Variants in VAV3 observed in about 807,000 individuals in gnomAD.
VAV3 encodes the protein guanine nucleotide exchange factor VAV3.
VAV3 carries 94 observed loss-of-function variants against 131.2 expected under a neutral mutation model. That is an observed-to-expected ratio of 0.72 (90% CI 0.61 to 0.85). VAV3 has a LOEUF of 0.85. Ranked by LOEUF, VAV3 falls within the 40% of genes least tolerant of loss-of-function variation. The pLI is 0.00. For missense variants in VAV3, 939 were observed against 1,002.7 expected (o/e 0.94, Z 0.86); for synonymous variants, 349 against 342.0 (o/e 1.02, Z -0.22).
At chr1:107,895,845 T>A (rs1035408283) in intron 1 of VAV3, among the ~76,000 whole-genome samples, 2 of 151,420 alleles carry the variant, frequency 1.3e-5, no homozygotes, top group Non-Finnish European at 3.0e-5. Flanking sequence ...TAAACATTAA[T>A]CACATAGCAA....
At chr1:107,593,598 T>A (rs1340649383) in intron 25 of VAV3, among the ~76,000 whole-genome samples, 1 of 152,114 alleles carries the variant, frequency 6.6e-6, no homozygotes, top group African/African-American at 2.4e-5. Flanking sequence ...CCTAAAGCTA[T>A]GAACCAAAGG....
intron 2 of VAV3, among the ~76,000 whole-genome samples, chr1:107,814,144 T>C (rs1195829507): frequency 6.6e-6 from 1 of 152,154 alleles, no homozygotes; most frequent in Non-Finnish European, 1.5e-5. Flanking sequence ...GATATACTTT[T>C]TTTCTTTCCT....
chr1:107,607,225 T>G (rs1158497368), intron 22 of VAV3, among the ~76,000 whole-genome samples: 5 of 152,136 alleles, frequency 3.3e-5, no homozygotes, highest in Non-Finnish European at 7.4e-5. Context: ...GTGCAGGGAT[T>G]ACAGGCACGA....
chr1:107,670,675 G>A (rs1036021748), intron 19 of VAV3, among the ~76,000 whole-genome samples: 1 of 152,132 alleles, frequency 6.6e-6, no homozygotes, highest in Non-Finnish European at 1.5e-5. Context: ...ATAAGGCAGC[G>A]ATTAATGAGA....
intron 1 of VAV3, among the ~76,000 whole-genome samples, chr1:107,947,254 A>T (rs901370623): frequency 6.6e-6 from 1 of 152,222 alleles, no homozygotes; most frequent in East Asian, 1.9e-4. Flanking sequence ...GACAGATTCA[A>T]ATGTGCCAAT....
At chr1:107,911,538 C>A (rs1373121060) in intron 1 of VAV3, among the ~76,000 whole-genome samples, 1 of 152,120 alleles carries the variant, frequency 6.6e-6, no homozygotes, top group Non-Finnish European at 1.5e-5. Context: ...ATTTTTAAAT[C>A]TACAGAATAA....
chr1:107,770,592 A>G, intron 6 of VAV3, 44 bp downstream of exon 6: 2 of 1,212,890 alleles, frequency 1.6e-6, no homozygotes, highest in Non-Finnish European at 2.4e-6. Flanking sequence ...TATTAACTAT[A>G]TTAGGCAGTA....
At chr1:107,844,873 C>A (rs536482310) in intron 2 of VAV3, among the ~76,000 whole-genome samples, 1 of 152,176 alleles carries the variant, frequency 6.6e-6, no homozygotes, top group Non-Finnish European at 1.5e-5. Context: ...CAGCTGTGGA[C>A]GCAGCTTCAG....
chr1:107,779,458 G>A lies in VAV3; in HGVS notation c.356C>T (p.Pro119Leu), dbSNP rs1665560830. 1 of 1,591,434 alleles carries A rather than the reference G, an allele frequency of 6.3e-7. No individual in the cohort carries two copies. The highest frequency in any genetic ancestry group is 8.6e-7 in the Non-Finnish European group (1 of 1,168,542). The stretch of plus-strand genomic sequence containing the variant: ...CCTGATTCCTGTGGCCAATGCTATA[G>A]GTGTTCGAGAAAGTCGTGATAATGT... ...IETLSRLSRTPIALATGIRPF... is the reference protein window; with the variant it reads ...IETLSRLSRTLIALATGIRPF... The change falls in exon 3 of 27, where the codon CCT becomes CTT. Residue 119 changes from proline to leucine, a missense_variant. Coordinates refer to ENST00000370056, the MANE Select transcript of VAV3 (RefSeq NM_006113.5).
chr1:107,778,412 T>TG (rs66609632), intron 3 of VAV3, among the ~76,000 whole-genome samples: 46 of 10,858 alleles, frequency 4.2e-3, no homozygotes, highest in African/African-American at 0.013. Flanking sequence ...TAAAAAAATC[T>TG]TTACATATAA....
At chr1:107,727,200 C>A (rs1182826610) in intron 15 of VAV3, among the ~76,000 whole-genome samples, 1 of 152,206 alleles carries the variant, frequency 6.6e-6, no homozygotes, top group Non-Finnish European at 1.5e-5. Flanking sequence ...GAGAAGAAGA[C>A]AGGCTTGCCT....
At chr1:107,767,706 C>T (rs748764625) in intron 7 of VAV3, among the ~76,000 whole-genome samples, 3 of 152,146 alleles carry the variant, frequency 2.0e-5, no homozygotes, top group Non-Finnish European at 4.4e-5. Context: ...TGTATGTGTA[C>T]ATGCGTGCAT....
rs980256818 is a variant in VAV3 at position 107,800,688 on chromosome 1, T to C, written c.322-21196A>G. Among the ~76,000 whole-genome samples the C allele has an allele frequency of 6.6e-5, 10 of 152,288 alleles. No homozygotes were observed. The East Asian group carries it at 1.9e-3, about 29-fold the overall frequency. ...TTTTTTAAATCAGTAATTGTTCTTT[T>C]GTTGTTGAGTTCCTTATATATTCTG... is the stretch of plus-strand genomic sequence containing the variant. On this transcript the variant is annotated intron_variant, in intron 2 of 26. Transcript: ENST00000370056.
chr1:107,720,133 A>G (rs995278160), intron 15 of VAV3, among the ~76,000 whole-genome samples: 4 of 152,146 alleles, frequency 2.6e-5, no homozygotes, highest in Non-Finnish European at 5.9e-5. Context: ...TAGGTGCAGC[A>G]AACCAACACA....
chr1:107,622,075 T>A (rs569363344), intron 20 of VAV3, among the ~76,000 whole-genome samples: 35 of 152,210 alleles, frequency 2.3e-4, no homozygotes, highest in Admixed American at 4.6e-4. Context: ...TTATAATTCA[T>A]AAAATAACAA....
In VAV3 at chr1:107,964,799, G is replaced by A. The variant is rs964672810; in HGVS notation, c.71C>T (p.Thr24Ile). The change falls in exon 1 of 27, where the codon ACC becomes ATC. Residue 24 changes from threonine (T) to isoleucine (I), a missense_variant. Physicochemically the swap from Thr to Ile is moderately conservative, Grantham distance 89. Coordinates refer to ENST00000370056, the MANE Select transcript of VAV3 (RefSeq NM_006113.5). The stretch of plus-strand genomic sequence containing the variant: ...GTCGAACACCTGAGCCGAGTCCCAG[G>A]TCACCCGGTGGTTGGTGGGCAGCAC... ...CKVLPTNHRV[T>I]WDSAQVFDLA... 2.5e-6 allele frequency: 4 copies of A among 1,613,970 alleles called. No individual in the cohort carries two copies. The highest frequency in any genetic ancestry group is 1.3e-5 in the African/African-American group (1 of 75,030).
Position 107,749,568 on chromosome 1 carries a change from A to G in VAV3, c.1286T>C (p.Val429Ala), listed in dbSNP as rs1406545730. 3.0e-5 allele frequency: 49 copies of G among 1,611,252 alleles called. No homozygotes were observed. Among genetic ancestry groups the G allele is most frequent in the Non-Finnish European group, 4.1e-5 (48 of 1,179,240 alleles). The change falls in exon 14 of 27, where the codon GTG becomes GCG. Residue 429 changes from valine to alanine, a missense_variant. By Grantham distance (64) the Val-to-Ala change is moderately conservative (BLOSUM62 0). Coordinates refer to ENST00000370056, the MANE Select transcript of VAV3 (RefSeq NM_006113.5). ...ATCACCTTTTCTCTTACATACGATCACTGCCAAATCAAATAAGAAGATATG... is the reference window on the plus strand; with the variant it reads ...ATCACCTTTTCTCTTACATACGATCGCTGCCAAATCAAATAAGAAGATATG... ...ERHIFLFDLA[V>A]IVCKRKGDNY...
At chr1:107,601,942 T>C (rs1197804931) in intron 24 of VAV3, among the ~76,000 whole-genome samples, 1 of 152,136 alleles carries the variant, frequency 6.6e-6, no homozygotes, top group African/African-American at 2.4e-5. Flanking sequence ...ATGGTAGAGA[T>C]CACTTAAAAT....
intron 1 of VAV3, among the ~76,000 whole-genome samples, chr1:107,900,509 T>C (rs1671802090): frequency 6.6e-6 from 1 of 152,192 alleles, no homozygotes; most frequent in South Asian, 2.1e-4. Context: ...GTCTAGACTT[T>C]GAGAAGGCCA....
Sources: gnomAD v4.1 joint callset for allele counts (sites outside exome capture counted in the v4.1 genomes callset) on GRCh38, gnomAD v4.1.1 for gene constraint, MANE v1.5 for transcripts, NCBI Gene and HGNC (gene_info 2026-07-23, HGNC 2026-07-21) for gene names.